The following GANAB variants were observed in gnomAD, a reference collection of about 807,000 sequenced individuals.
GANAB encodes the protein glucosidase II alpha subunit, also known as neutral alpha-glucosidase AB.
Under a neutral mutation model 129.9 loss-of-function variants are expected in GANAB, and 35 were observed. That is an observed-to-expected ratio of 0.27 (90% confidence interval 0.21 to 0.36). The LOEUF (loss-of-function observed/expected upper bound fraction) is 0.36, where lower values mean the gene tolerates loss of function less well. Ranked by LOEUF, GANAB falls within the 10% of genes least tolerant of loss-of-function variation. GANAB has a pLI of 1.00. For synonymous variants in GANAB, 482 were observed against 451.8 expected (o/e 1.07, Z -0.85); for missense variants, 939 against 1,221.0 (o/e 0.77, Z 3.44).
chr11:62,630,185 G>C lies in GANAB; in HGVS notation c.1593+12C>G. The C allele has an allele frequency of 6.3e-7, 1 of 1,591,314 alleles. No individual in the cohort carries two copies. The highest frequency in any genetic ancestry group is 1.3e-5 in the African/African-American group (1 of 74,638). ...CAGACAGACGCAGGTCATGGGGAGA[G>C]GCCTTCCCTACCTCATAATTGTCAT... is the stretch of plus-strand genomic sequence containing the variant. On this transcript the variant is annotated intron_variant, in intron 13 of 23. Coordinates refer to ENST00000356638, the MANE Select transcript of GANAB (RefSeq NM_198334.3).
chr11:62,641,654 C>G (rs1158808452), intron 1 of GANAB, among the ~76,000 whole-genome samples: 7 of 152,058 alleles, frequency 4.6e-5, no homozygotes, highest in Admixed American at 4.6e-4. Flanking sequence ...GATCTCAGCT[C>G]ACTGTAACCT....
At position 62,630,434 on chromosome 11, in the gene GANAB, C is replaced by T. The variant is rs956741672; in HGVS notation, c.1458G>A (p.Leu486=). Residue 486 remains leucine (L), a synonymous_variant, in exon 12 of 24, where the codon CTG becomes CTA. Transcript: ENST00000356638. ...CATCCCGGGTTTTAACATACAGCCC[C>T]AGGTTCCGCAGCTCCTCGTGAACTC... ...GYRVHEELRN[L]GLYVKTRDGS... is the part of the protein sequence containing the mutation. 1 of 1,614,102 alleles carries T rather than the reference C, an allele frequency of 6.2e-7. No individual in the cohort carries two copies. Among genetic ancestry groups the T allele is most frequent in the African/African-American group, 1.3e-5 (1 of 74,942 alleles).
Position 62,629,605 on chromosome 11 carries a change from G to C in GANAB, c.1817C>G (p.Ala606Gly), listed in dbSNP as rs1565093575. 6 of 1,609,032 alleles carry C rather than the reference G, an allele frequency of 3.7e-6. No homozygotes were observed. The highest frequency in any genetic ancestry group is 5.1e-6 in the Non-Finnish European group (6 of 1,177,730). The part of the protein sequence containing the change: ...RPFVLARAFF[A>G]GSQRFGAVWT... ...AACCTTACCAAAGCGCTGGGAGCCA[G>C]CGAAGAAGGCCCTGGCCAGGACAAA... The change falls in exon 15 of 24, where the codon GCT becomes GGT. Residue 606 changes from alanine (A) to glycine (G), a missense_variant. Transcript: ENST00000356638.
In GANAB at chr11:62,630,835, T is replaced by C. The variant is rs1346040113; in HGVS notation, c.1152A>G (p.Gly384=). The change falls in exon 11 of 24, where the codon GGA becomes GGG. Residue 384 remains glycine, a splice_region_variant and synonymous_variant. Transcript: ENST00000356638. ...AGAAGAGTGGGGGCAACGCCTGGGT[T>C]CCTGCAGGTTCATGAGGGATGGGGG... ...DVFRQYASLT[G]TQALPPLFSL... 1.2e-6 allele frequency: 2 copies of C among 1,610,804 alleles called. No individual in the cohort carries two copies. The highest frequency in any genetic ancestry group is 2.2e-5 in the South Asian group (2 of 90,922).
In GANAB at chr11:62,631,162, C is replaced by T; in HGVS notation, c.1018G>A (p.Asp340Asn). 1 of 1,593,136 alleles carries T rather than the reference C, an allele frequency of 6.3e-7. No homozygotes were observed. The highest frequency in any genetic ancestry group is 8.6e-7 in the Non-Finnish European group (1 of 1,162,750). Residue 340 changes from aspartate to asparagine, a missense_variant, in exon 10 of 24, where the codon GAC (aspartate) becomes AAC (asparagine). Coordinates refer to ENST00000356638, the MANE Select transcript of GANAB (RefSeq NM_198334.3). ...GTCTCCCCAGAGCCCTGCAGGTAGT[C>T]CATCATCTTCCCAAACAGGGTCTGT... is the stretch of plus-strand genomic sequence containing the variant. Reference protein sequence around the residue: ...AGKTLFGKMMDYLQGSGETPQ... With the variant: ...AGKTLFGKMMNYLQGSGETPQ...
intron 4 of GANAB, 121 bp downstream of exon 4, chr11:62,638,862 G>A (rs1944086902): frequency 1.1e-6 from 1 of 875,032 alleles, no homozygotes; most frequent in Non-Finnish European, 1.8e-6. Context: ...GAGGAGTATG[G>A]CAAGGTGCTA....
chr11:62,645,352 T>C (rs1944431480), intron 1 of GANAB, among the ~76,000 whole-genome samples: 1 of 151,912 alleles, frequency 6.6e-6, no homozygotes, highest in Admixed American at 6.6e-5. Context: ...CTCACCAACA[T>C]AGTGAAACCC....
At chr11:62,639,838 AAG>A in intron 1 of GANAB, 107 bp from the exon 2 acceptor site, 2 of 709,508 alleles carry the variant, frequency 2.8e-6, no homozygotes, top group South Asian at 1.6e-5. Flanking sequence ...TAGTTGAGGA[AAG>A]AGGGGAGAAA....
At chr11:62,635,299 C>T (rs1943896070) in intron 4 of GANAB, among the ~76,000 whole-genome samples, 1 of 152,088 alleles carries the variant, frequency 6.6e-6, no homozygotes, top group Non-Finnish European at 1.5e-5. Context: ...ATTCTCCTGC[C>T]TCAGCCTCCA....
chr11:62,635,237 T>C (rs1039596256), intron 4 of GANAB, among the ~76,000 whole-genome samples: 1 of 151,044 alleles, frequency 6.6e-6, no homozygotes, highest in African/African-American at 2.4e-5. Flanking sequence ...CAGGCTGGAG[T>C]GCAATGGCGC....
chr11:62,639,801 G>A (rs1198902194), intron 1 of GANAB, 70 bp from the exon 2 acceptor site: 7 of 879,730 alleles, frequency 8.0e-6, no homozygotes, highest in Non-Finnish European at 1.3e-5. Context: ...AAAAGGAAAA[G>A]CTTCTTCCTG....
At chr11:62,644,035 C>T (rs748275335) in intron 1 of GANAB, among the ~76,000 whole-genome samples, 2 of 152,178 alleles carry the variant, frequency 1.3e-5, no homozygotes, top group South Asian at 2.1e-4. Flanking sequence ...ACCTCTGCCT[C>T]GCGGGTTCAA....
Position 62,629,227 on chromosome 11 carries a change from T to C in GANAB, c.1903A>G (p.Ser635Gly). ...HLKISIPMCLSLGLVGLSFCG... is the reference protein window; with the variant it reads ...HLKISIPMCLGLGLVGLSFCG... ...AAGGAAAGTCCCACCAGCCCCAAGC[T>C]GAGACACATAGGAATAGAGATCTTC... The change falls in exon 16 of 24, where the codon AGC (serine) becomes GGC (glycine). Residue 635 changes from serine to glycine, a missense_variant. Around this residue, in one of 5 missense-constraint regions of GANAB, gnomAD observed 147 missense variants for 282.4 expected, o/e 0.52. Coordinates refer to ENST00000356638, the MANE Select transcript of GANAB (RefSeq NM_198334.3). 6.2e-7 allele frequency: 1 copy of C among 1,613,416 alleles called. No homozygotes were observed. Among genetic ancestry groups the C allele is most frequent in the Non-Finnish European group, 8.5e-7 (1 of 1,179,430 alleles).
At chr11:62,627,018 C>A in intron 19 of GANAB, 30 bp downstream of exon 19, 1 of 1,602,292 alleles carries the variant, frequency 6.2e-7, no homozygotes, top group South Asian at 1.1e-5. Flanking sequence ...CTTCCACCAT[C>A]TTTCCCCACC....
At chr11:62,630,904 T>C (rs1330107519) in intron 10 of GANAB, 68 bp from the exon 11 acceptor site, 2 of 1,503,242 alleles carry the variant, frequency 1.3e-6, no homozygotes, top group Non-Finnish European at 1.8e-6. Flanking sequence ...TGAGGGAGGC[T>C]TGTGAACTAG....
chr11:62,633,401 C>A (rs369457429), intron 6 of GANAB, 44 bp downstream of exon 6: 4 of 1,598,958 alleles, frequency 2.5e-6, no homozygotes, highest in African/African-American at 2.7e-5. Context: ...CCTCCACCCT[C>A]CCAGCCAGCC....
At position 62,626,743 on chromosome 11, in the gene GANAB, G is replaced by A. The variant is rs1252671817; in HGVS notation, c.2398-59C>T. 3.7e-6 allele frequency: 5 copies of A among 1,347,606 alleles called. No individual in the cohort carries two copies. The African/African-American group carries it at 4.3e-5, about 12-fold the overall frequency. The allele number at this position is 1,347,606 out of a possible 1,614,324, so 83.5% of individuals were successfully genotyped here. On this transcript the variant is annotated intron_variant, in intron 20 of 23. Transcript: ENST00000356638. ...CCCTTGTCCAACCTTGGGCCCCACA[G>A]CATGTTTTGCTTACTCATGTATGCC...
chr11:62,635,907 G>C (rs557969229), intron 4 of GANAB, among the ~76,000 whole-genome samples: 15 of 152,194 alleles, frequency 9.9e-5, no homozygotes, highest in African/African-American at 3.6e-4. Flanking sequence ...TGGGATTACA[G>C]GCATGAGCTA....
In GANAB at chr11:62,625,060, G is replaced by T; in HGVS notation, c.*755C>A. 5.6e-6 allele frequency: 2 copies of T among 354,736 alleles called. No individual in the cohort carries two copies. The highest frequency in any genetic ancestry group is 4.2e-5 in the South Asian group (2 of 47,812). The allele number at this position is 354,736 out of a possible 1,614,324, so 22.0% of individuals were successfully genotyped here. A position where few individuals can be genotyped will look rare whatever the true frequency, so the allele number is the denominator to read the frequency against. On this transcript the variant is annotated 3_prime_UTR_variant, in exon 24 of 24. Transcript: ENST00000356638. ...ACCATGATTCACTGAAACCACAACT[G>T]ATTTCTCCATCTTAAGTGCCCCTCA...
Sources: gnomAD v4.1 joint callset for allele counts (sites outside exome capture counted in the v4.1 genomes callset) on GRCh38, gnomAD v4.1.1 for gene constraint, gnomAD v4.1.1 regional missense constraint, MANE v1.5 for transcripts, NCBI Gene and HGNC (gene_info 2026-07-23, HGNC 2026-07-21) for gene names.